The following LAMA1 variants were observed in gnomAD, a reference collection of about 807,000 sequenced individuals.
LAMA1 encodes the protein laminin subunit alpha 1, also known as laminin subunit alpha-1.
Under a neutral mutation model 348.7 loss-of-function variants are expected in LAMA1, and 219 were observed. That is an observed-to-expected ratio of 0.63 (90% CI 0.56 to 0.70). The LOEUF is 0.70. Among genes scored for constraint, LAMA1 ranks in the 30% least tolerant of loss-of-function variants. The pLI is 0.00. For missense variants in LAMA1, 3,744 were observed against 3,888.0 expected (o/e 0.96, Z 0.99); for synonymous variants, 1,487 against 1,491.0 (o/e 1.00, Z 0.06).
At chr18:7,019,713 A>C (rs1397938632) in intron 19 of LAMA1, among the ~76,000 whole-genome samples, 3 of 119,804 alleles carry the variant, frequency 2.5e-5, no homozygotes, top group African/African-American at 3.4e-5. Flanking sequence ...ACAGGGTCTC[A>C]CTCCGTCACC....
chr18:7,110,888 TC>T (rs35705241), intron 1 of LAMA1, among the ~76,000 whole-genome samples: 28,540 of 142,894 alleles, frequency 0.2, 2,780 homozygotes, highest in East Asian at 0.3. Context: ...TTTTTTTCCC[TC>T]CCCCCCCCCA....
chr18:7,044,911 G>A, intron 6 of LAMA1, 72 bp from the exon 7 acceptor site: 1 of 1,112,644 alleles, frequency 9.0e-7, no homozygotes, highest in East Asian at 2.3e-5. Flanking sequence ...ATGGTAAAAA[G>A]AACCTATCTG....
Position 7,024,416 on chromosome 18 carries a change from C to G in LAMA1, c.2453G>C (p.Trp818Ser), listed in dbSNP as rs140314525. ...AGCTCCTGAGTAGCCCGGGGCACAC[C>G]AGTCACAGACCACTTCATCTCCATC... ...LNDGDEVVCD[W>S]CAPGYSGAWC... Residue 818 changes from tryptophan to serine, a missense_variant, in exon 18 of 63, where the codon TGG becomes TCG. Transcript: ENST00000389658. 5.9e-5 allele frequency: 95 copies of G among 1,614,004 alleles called. No individual in the cohort carries two copies. The highest frequency in any genetic ancestry group is 7.8e-5 in the Non-Finnish European group (92 of 1,180,016).
At chr18:6,992,506 C>G in intron 36 of LAMA1, 55 bp downstream of exon 36, 1 of 1,565,110 alleles carries the variant, frequency 6.4e-7, no homozygotes, top group Non-Finnish European at 8.8e-7. Context: ...TTGGAGATAG[C>G]GTGCAAGTTT....
chr18:7,092,840 G>C (rs1447112981), intron 1 of LAMA1, among the ~76,000 whole-genome samples: 1 of 152,024 alleles, frequency 6.6e-6, no homozygotes, highest in Non-Finnish European at 1.5e-5. Flanking sequence ...ACAGACTCGT[G>C]GTTTCCCTCA....
intron 1 of LAMA1, among the ~76,000 whole-genome samples, chr18:7,096,727 T>C (rs879929059): frequency 1.3e-5 from 2 of 152,178 alleles, no homozygotes; most frequent in Non-Finnish European, 2.9e-5. Flanking sequence ...CTTTTGTCTA[T>C]GGCATAATAA....
intron 3 of LAMA1, among the ~76,000 whole-genome samples, chr18:7,074,783 T>G (rs576390488): frequency 8.9e-4 from 135 of 152,134 alleles, no homozygotes; most frequent in African/African-American, 2.9e-3. Context: ...AAGAAGTGAA[T>G]AGTAGACATT....
intron 57 of LAMA1, chr18:6,954,941 G>GGTGGTCGCCGTATCATTAAAAA: frequency 6.2e-6 from 2 of 322,156 alleles, no homozygotes; most frequent in Non-Finnish European, 6.0e-6. Context: ...AAGGTGCAGA[G>GGTGGTCGCCGTATCATTAAAAA]AGGGGTGGGT....
At chr18:7,010,907 C>T (rs920683319) in intron 25 of LAMA1, among the ~76,000 whole-genome samples, 3 of 152,144 alleles carry the variant, frequency 2.0e-5, no homozygotes, top group Admixed American at 6.5e-5. Context: ...TCCCATACCA[C>T]GTAATGATAT....
At chr18:7,070,765 A>G (rs1255496614) in intron 3 of LAMA1, among the ~76,000 whole-genome samples, 1 of 152,120 alleles carries the variant, frequency 6.6e-6, no homozygotes, top group Non-Finnish European at 1.5e-5. Context: ...CTTTTTTACA[A>G]AACAGATCTT....
chr18:6,983,107 T>C lies in LAMA1; in HGVS notation c.5788A>G (p.Thr1930Ala). Reference sequence around the variant, plus strand: ...GCCACGTCGTTTCCTACCAGGCTCGTCTCAGTCACAGTCCTGTGAGCATCT... The same window carrying C: ...GCCACGTCGTTTCCTACCAGGCTCGCCTCAGTCACAGTCCTGTGAGCATCT... The part of the protein sequence containing the change: ...ARDAHRTVTE[T>A]SLLSESLVSN... The change falls in exon 40 of 63, where the codon ACG (threonine) becomes GCG (alanine). Residue 1930 changes from threonine to alanine, a missense_variant. Thr to Ala is a moderately conservative substitution (Grantham distance 58). Around this residue, in one of 3 missense-constraint regions of LAMA1, gnomAD observed 1,983 missense variants for 1,934.3 expected, o/e 1.03. Transcript: ENST00000389658. The C allele has an allele frequency of 6.2e-7, 1 of 1,614,138 alleles. No individual in the cohort carries two copies. The highest frequency in any genetic ancestry group is 2.2e-5 in the East Asian group (1 of 44,854).
At chr18:6,942,329 GTTTT>G in intron 62 of LAMA1, 90 bp from the exon 63 acceptor site, 1 of 1,400,894 alleles carries the variant, frequency 7.1e-7, no homozygotes, top group Non-Finnish European at 9.7e-7. Flanking sequence ...TCTCAAGCGG[GTTTT>G]TTTATTTTTT....
intron 5 of LAMA1, among the ~76,000 whole-genome samples, chr18:7,048,139 T>A (rs1271085800): frequency 6.6e-6 from 1 of 152,188 alleles, no homozygotes; most frequent in African/African-American, 2.4e-5. Flanking sequence ...AGGATTCGTA[T>A]ACAAAATATA....
chr18:6,986,282 A>G lies in LAMA1; in HGVS notation c.5234T>C (p.Val1745Ala), dbSNP rs755247755. ...GACGTGGCTTGCTGCTTCTTTCAATACCTCCAATTCTTCCAGCGGCTTCTG... is the reference window on the plus strand; with the variant it reads ...GACGTGGCTTGCTGCTTCTTTCAATGCCTCCAATTCTTCCAGCGGCTTCTG... ...NYQKPLEELE[V>A]LKEAASHVLS... is the part of the protein sequence containing the mutation. Residue 1745 changes from valine to alanine, a missense_variant, in exon 37 of 63, where the codon GTA (valine) becomes GCA (alanine). Around this residue, in one of 3 missense-constraint regions of LAMA1, gnomAD observed 1,983 missense variants for 1,934.3 expected, o/e 1.03. Coordinates refer to ENST00000389658, the MANE Select transcript of LAMA1 (RefSeq NM_005559.4). The G allele has an allele frequency of 6.2e-7, 1 of 1,614,110 alleles. No individual in the cohort carries two copies. Among genetic ancestry groups the G allele is most frequent in the Non-Finnish European group, 8.5e-7 (1 of 1,180,018 alleles).
chr18:6,978,214 G>A lies in LAMA1; in HGVS notation c.6172C>T (p.Gln2058Ter). 1 of 1,614,220 alleles carries A rather than the reference G, an allele frequency of 6.2e-7. No individual in the cohort carries two copies. The highest frequency in any genetic ancestry group is 8.5e-7 in the Non-Finnish European group (1 of 1,180,042). ...GACATACTGGCCATGGTGGAGTCCTGCAGAAGCTGGTGTGTCTCTCGTAAT... is the reference window on the plus strand; with the variant it reads ...GACATACTGGCCATGGTGGAGTCCTACAGAAGCTGGTGTGTCTCTCGTAAT... Reference protein sequence around the residue: ...TTLRETHQLLQDSTMATLLAG... With the variant: ...TTLRETHQLL The change falls in exon 43 of 63, where the codon CAG (glutamine) becomes TAG (stop). Residue 2058 changes from glutamine to a stop codon, truncating the protein, a stop_gained. Transcript: ENST00000389658. LOFTEE classifies it high-confidence loss of function.
chr18:7,031,918 A>G, intron 16 of LAMA1, 148 bp downstream of exon 16: 2 of 592,860 alleles, frequency 3.4e-6, no homozygotes, highest in Non-Finnish European at 2.9e-6. Flanking sequence ...ACATTTCATG[A>G]CATGAGCTTA....
chr18:7,091,290 A>G (rs982570902), intron 1 of LAMA1, among the ~76,000 whole-genome samples: 2 of 152,218 alleles, frequency 1.3e-5, no homozygotes, highest in Non-Finnish European at 2.9e-5. Flanking sequence ...TATCATTCCC[A>G]TTGTCCTGAG....
Position 7,043,294 on chromosome 18 carries a change from T to C in LAMA1, c.1088A>G (p.Asn363Ser). 6.2e-7 allele frequency: 1 copy of C among 1,614,150 alleles called. No individual in the cohort carries two copies. Among genetic ancestry groups the C allele is most frequent in the Non-Finnish European group, 8.5e-7 (1 of 1,180,020 alleles). Reference sequence around the variant, plus strand: ...GATTCCCATGGTGTTCTGCAAGCAATTTATGCAAACCCCTCCTCCTCTGAA... The same window carrying C: ...GATTCCCATGGTGTTCTGCAAGCAACTTATGCAAACCCCTCCTCCTCTGAA... ...GQFRGGGVCINCLQNTMGINC... is the reference protein window; with the variant it reads ...GQFRGGGVCISCLQNTMGINC... The change falls in exon 8 of 63, where the codon AAT (asparagine) becomes AGT (serine). Residue 363 changes from asparagine (N) to serine (S), a missense_variant. Coordinates refer to ENST00000389658, the MANE Select transcript of LAMA1 (RefSeq NM_005559.4).
At chr18:7,095,428 A>G (rs1244726176) in intron 1 of LAMA1, among the ~76,000 whole-genome samples, 2 of 152,214 alleles carry the variant, frequency 1.3e-5, no homozygotes, top group Admixed American at 1.3e-4. Context: ...ATGTACACAC[A>G]GAACAGTGAA....
Sources: allele counts gnomAD v4.1 joint callset (sites outside exome capture counted in the v4.1 genomes callset), GRCh38; gene constraint gnomAD v4.1.1; regional missense constraint gnomAD v4.1.1; transcripts MANE v1.5; gene names NCBI Gene and HGNC (gene_info 2026-07-23, HGNC 2026-07-21).